PDS5A: variants seen among roughly 807,000 people sequenced by gnomAD.
The protein encoded by PDS5A is sister chromatid cohesion protein PDS5 homolog A.
PDS5A carries 42 observed loss-of-function variants against 167.1 expected under a neutral mutation model. The observed-to-expected ratio is 0.25, with a 90% CI of 0.20 to 0.33. The LOEUF is 0.33. PDS5A is among the 10% of genes least tolerant of loss of function. PDS5A has a pLI of 1.00. For synonymous variants in PDS5A, 553 were observed against 554.6 expected (o/e 1.00, Z 0.04); for missense variants, 1,033 against 1,605.9 (o/e 0.64, Z 6.10).
intron 10 of PDS5A, among the ~76,000 whole-genome samples, chr4:39,909,078 A>C (rs1723659321): frequency 6.7e-6 from 1 of 149,822 alleles, no homozygotes; most frequent in African/African-American, 2.5e-5. Context: ...AATAAAATAA[A>C]ATAAAATAAA....
intron 17 of PDS5A, among the ~76,000 whole-genome samples, chr4:39,880,933 T>A (rs1420302566): frequency 6.6e-6 from 1 of 152,160 alleles, no homozygotes; most frequent in African/African-American, 2.4e-5. Context: ...TAATTTTGTA[T>A]TTCTCCCTAA....
chr4:39,956,562 T>C (rs769914337), intron 2 of PDS5A, among the ~76,000 whole-genome samples: 18 of 150,894 alleles, frequency 1.2e-4, no homozygotes, highest in Non-Finnish European at 1.9e-4. Context: ...AACAAAGCTA[T>C]ACAACATTAT....
At position 39,976,400 on chromosome 4, in the gene PDS5A, G is replaced by A. The variant is rs574329569; in HGVS notation, c.138+40C>T. The A allele has an allele frequency of 5.8e-5, 92 of 1,579,150 alleles. 2 individuals carry two copies. The Admixed American group carries it at 1.2e-3, about 20-fold the overall frequency. On this transcript the variant is annotated intron_variant, in intron 2 of 32. Coordinates refer to ENST00000303538, the MANE Select transcript of PDS5A (RefSeq NM_001100399.2). ...GGGTAGCAGTATCACAGGAGAAAGC[G>A]CCTTCTACCAAAGACATCAAAATCC...
chr4:39,967,873 G>A (rs1449856773), intron 2 of PDS5A, among the ~76,000 whole-genome samples: 2 of 151,776 alleles, frequency 1.3e-5, no homozygotes, highest in Admixed American at 6.6e-5. Context: ...CTGAGATTGC[G>A]CCACTGCACT....
chr4:39,903,901 G>T, intron 12 of PDS5A, 139 bp downstream of exon 12: 1 of 480,366 alleles, frequency 2.1e-6, no homozygotes, highest in Non-Finnish European at 3.5e-6. Flanking sequence ...AGAAATAAAT[G>T]ATTAATCAAG....
At chr4:39,905,107 T>G (rs745974937) in intron 11 of PDS5A, among the ~76,000 whole-genome samples, 4 of 152,150 alleles carry the variant, frequency 2.6e-5, no homozygotes, top group Admixed American at 6.6e-5. Context: ...GGGAACTGAC[T>G]ACCCAGTGAA....
intron 1 of PDS5A, 112 bp from the exon 2 acceptor site, chr4:39,976,729 C>G (rs572093412): frequency 7.5e-6 from 4 of 531,908 alleles, no homozygotes; most frequent in African/African-American, 5.7e-5. Context: ...AGGCCGGGGA[C>G]CCGGCAGCGG....
In PDS5A at chr4:39,890,435, G is replaced by A. The variant is rs910479605; in HGVS notation, c.1771-71C>T. On this transcript the variant is annotated intron_variant, in intron 16 of 32. Coordinates refer to ENST00000303538, the MANE Select transcript of PDS5A (RefSeq NM_001100399.2). ...ATTTTTGAAAAGAAAAATGACTAAG[G>A]AACTGAAATATTCAAAACCAGCATA... The A allele has an allele frequency of 1.6e-5, 13 of 827,290 alleles. No homozygotes were observed. The African/African-American group carries it at 2.1e-4, about 13-fold the overall frequency. The allele number at this position is 827,290 out of a possible 1,614,324, so 51.2% of individuals were successfully genotyped here.
intron 32 of PDS5A, among the ~76,000 whole-genome samples, chr4:39,828,658 T>C (rs1715537049): frequency 1.3e-5 from 2 of 152,142 alleles, no homozygotes; most frequent in South Asian, 4.1e-4. Context: ...TTAATGATAA[T>C]AAAATATGAT....
chr4:39,879,882 T>C (rs1720794320), intron 17 of PDS5A, 49 bp from the exon 18 acceptor site: 2 of 1,015,374 alleles, frequency 2.0e-6, no homozygotes, highest in African/African-American at 1.6e-5. Flanking sequence ...GTAGTAACTA[T>C]ATCCTAATCA....
At chr4:39,892,018 G>T (rs1722016993) in intron 16 of PDS5A, among the ~76,000 whole-genome samples, 1 of 152,128 alleles carries the variant, frequency 6.6e-6, no homozygotes, top group Admixed American at 6.5e-5. Flanking sequence ...GGCTGAGGTG[G>T]GGGGGATCAC....
intron 5 of PDS5A, among the ~76,000 whole-genome samples, chr4:39,923,712 CCA>C (rs1373898584): frequency 6.7e-6 from 1 of 150,280 alleles, no homozygotes; most frequent in Non-Finnish European, 1.5e-5. Context: ...CTTACATGCC[CCA>C]GATTTTTAAA....
chr4:39,835,532 T>C (rs1256498005), intron 32 of PDS5A, among the ~76,000 whole-genome samples: 1 of 152,206 alleles, frequency 6.6e-6, no homozygotes, highest in Non-Finnish European at 1.5e-5. Context: ...TTTGTCTTTC[T>C]GTTTTTTTGA....
chr4:39,956,545 C>T, intron 2 of PDS5A, among the ~76,000 whole-genome samples: 1 of 146,674 alleles, frequency 6.8e-6, no homozygotes, highest in Non-Finnish European at 1.5e-5. Flanking sequence ...GAGAACTGAA[C>T]ACAGCAAACA....
chr4:39,959,917 C>T (rs752077294), intron 2 of PDS5A, among the ~76,000 whole-genome samples: 5 of 151,900 alleles, frequency 3.3e-5, no homozygotes, highest in African/African-American at 7.3e-5. Flanking sequence ...AGTGAAACCC[C>T]GCCATCTCTA....
intron 13 of PDS5A, 130 bp downstream of exon 13, chr4:39,902,217 A>G (rs1490684935): frequency 3.7e-6 from 2 of 547,830 alleles, no homozygotes; most frequent in Non-Finnish European, 6.5e-6. Context: ...TTGTCTATAA[A>G]TATTTACCTG....
Position 39,923,638 on chromosome 4 carries a change from A to AACACACACACACAAACACACACAC in PDS5A, c.528-891_528-890insGTGTGTGTGTTTGTGTGTGTGTGT, listed in dbSNP as rs376190459. Among the ~76,000 whole-genome samples the AACACACACACACAAACACACACAC allele has an allele frequency of 9.6e-5, 12 of 125,292 alleles. No individual in the cohort carries two copies. In the East Asian group the frequency reaches 2.3e-3, roughly 24 times the overall value. 82.2% of individuals were successfully genotyped at this position (125,292 alleles called of 152,430 possible). A position where few individuals can be genotyped will look rare whatever the true frequency, so the allele number is the denominator to read the frequency against. Reference sequence around the variant, plus strand: ...GGGACAGACCAAGACCCTGTCTCAAAACACACACACACACACACACACACA... The same window carrying AACACACACACACAAACACACACAC: ...GGGACAGACCAAGACCCTGTCTCAAAACACACACACACAAACACACACACACACACACACACACACACACACACA... On this transcript the variant is annotated intron_variant, in intron 5 of 32. Transcript: ENST00000303538.
chr4:39,953,140 T>C (rs1728571700), intron 2 of PDS5A, among the ~76,000 whole-genome samples: 1 of 152,212 alleles, frequency 6.6e-6, no homozygotes, highest in African/African-American at 2.4e-5. Flanking sequence ...TCAGCTGGTT[T>C]AGAGGTCTTG....
intron 9 of PDS5A, among the ~76,000 whole-genome samples, chr4:39,910,953 C>T (rs1190362813): frequency 6.6e-6 from 1 of 152,054 alleles, no homozygotes; most frequent in Non-Finnish European, 1.5e-5. Context: ...GAAAACACAG[C>T]ACAGCCCTGT....
Sources: gnomAD v4.1 joint callset for allele counts (sites outside exome capture counted in the v4.1 genomes callset) on GRCh38, gnomAD v4.1.1 for gene constraint, MANE v1.5 for transcripts, NCBI Gene and HGNC (gene_info 2026-07-23, HGNC 2026-07-21) for gene names.